ANXA8: variants seen among roughly 807,000 people sequenced by gnomAD.
The protein encoded by ANXA8 is annexin A8, also known as VAC-beta.
In ANXA8, 9 loss-of-function variants were observed where a neutral mutation model predicts 26.8. That is an observed-to-expected ratio of 0.34 (90% CI 0.20 to 0.59). ANXA8 has a LOEUF of 0.59. Among genes scored for constraint, ANXA8 ranks in the 20% least tolerant of loss-of-function variants. The pLI is 0.84. For synonymous variants in ANXA8, 39 were observed against 94.8 expected (o/e 0.41, Z 3.42); for missense variants, 83 against 238.5 (o/e 0.35, Z 4.29).
chr10:47,496,064 C>G, the ANXA8 span: 1 of 151,892 alleles, frequency 6.6e-6, no homozygotes, highest in Non-Finnish European at 1.5e-5. Flanking sequence ...GCAGTAGAAT[C>G]TTCCTGAAGC....
At chr10:47,544,164 TA>T in the ANXA8 span, among the ~76,000 whole-genome samples, 31 of 152,018 alleles carry the variant, frequency 2.0e-4, 2 homozygotes, top group African/African-American at 6.5e-4. Flanking sequence ...CCTGTAGCCT[TA>T]AATGCTTCCA....
the ANXA8 span, among the ~76,000 whole-genome samples, chr10:47,517,312 G>A: frequency 2.7e-5 from 2 of 75,266 alleles, no homozygotes; most frequent in South Asian, 4.4e-4. Flanking sequence ...TCGCTCTGTC[G>A]CCCAGGCTGG....
At chr10:47,670,471 A>G in the ANXA8 span, among the ~76,000 whole-genome samples, 1 of 152,142 alleles carries the variant, frequency 6.6e-6, no homozygotes, top group African/African-American at 2.4e-5. Context: ...ACCATTTTAT[A>G]TTCCTATTAG....
chr10:47,535,893 G>A, the ANXA8 span, among the ~76,000 whole-genome samples: 1 of 13,728 alleles, frequency 7.3e-5, no homozygotes, highest in Non-Finnish European at 1.4e-4. Flanking sequence ...TAACCCTCAA[G>A]GTGATGGCAT....
chr10:47,677,455 A>ATAGT, the ANXA8 span, among the ~76,000 whole-genome samples: 2 of 150,264 alleles, frequency 1.3e-5, no homozygotes. Context: ...GCAGCACAGG[A>ATAGT]TAGTGATCCC....
At chr10:47,582,039 G>A in the ANXA8 span, among the ~76,000 whole-genome samples, 1 of 150,004 alleles carries the variant, frequency 6.7e-6, no homozygotes, top group Non-Finnish European at 1.5e-5. Flanking sequence ...CACAACAAGG[G>A]TGTATGCCCA....
the ANXA8 span, among the ~76,000 whole-genome samples, chr10:47,985,062 C>T: frequency 6.7e-6 from 1 of 148,934 alleles, no homozygotes; most frequent in Non-Finnish European, 1.5e-5. Flanking sequence ...AAAATATTTG[C>T]AAACTGCGTA....
At chr10:47,953,067 T>G in the ANXA8 span, among the ~76,000 whole-genome samples, 1 of 150,430 alleles carries the variant, frequency 6.6e-6, no homozygotes, top group African/African-American at 2.5e-5. Context: ...CAAAGATTTC[T>G]CAGGGCACAT....
chr10:47,695,485 A>G, the ANXA8 span, among the ~76,000 whole-genome samples: 1 of 151,850 alleles, frequency 6.6e-6, no homozygotes, highest in Non-Finnish European at 1.5e-5. Context: ...GTTGGGCGCT[A>G]TGAAAGGAAA....
chr10:47,667,361 A>C, the ANXA8 span, among the ~76,000 whole-genome samples: 14 of 152,024 alleles, frequency 9.2e-5, no homozygotes, highest in African/African-American at 3.4e-4. Flanking sequence ...AAGTTTATCT[A>C]TTGTTAGCCA....
At chr10:47,709,765 G>GA in the ANXA8 span, among the ~76,000 whole-genome samples, 1 of 97,110 alleles carries the variant, frequency 1.0e-5, no homozygotes, top group African/African-American at 4.7e-5. Context: ...CACACTCAGG[G>GA]AGAGAACCAG....
At chr10:47,692,941 G>A in the ANXA8 span, among the ~76,000 whole-genome samples, 1 of 151,276 alleles carries the variant, frequency 6.6e-6, no homozygotes, top group Non-Finnish European at 1.5e-5. Flanking sequence ...CACCATGTTG[G>A]CCGGGCTGGT....
At chr10:47,581,637 C>T in the ANXA8 span, 57 of 415,540 alleles carry the variant, frequency 1.4e-4, 1 homozygote, top group Middle Eastern at 6.2e-4. Context: ...GACGGAGTCT[C>T]GCTCTGTCAC....
At chr10:47,704,002 G>GA in the ANXA8 span, among the ~76,000 whole-genome samples, 1 of 142,128 alleles carries the variant, frequency 7.0e-6, no homozygotes, top group East Asian at 2.7e-4. Context: ...TCAAGGTAAT[G>GA]AAAAAGAAAA....
At chr10:47,498,291 T>C in the ANXA8 span, among the ~76,000 whole-genome samples, 60 of 147,212 alleles carry the variant, frequency 4.1e-4, no homozygotes, top group African/African-American at 1.2e-3. Context: ...CTTAGCGTAA[T>C]GTCCTCAATG....
chr10:47,586,358 C>A, the ANXA8 span, among the ~76,000 whole-genome samples: 11 of 145,260 alleles, frequency 7.6e-5, no homozygotes, highest in Non-Finnish European at 1.2e-4. Flanking sequence ...TATCTGCTAA[C>A]CCCCATCCTC....
the ANXA8 span, among the ~76,000 whole-genome samples, chr10:47,500,164 C>T: frequency 0.037 from 5,103 of 137,144 alleles, 181 homozygotes; most frequent in African/African-American, 0.12. Context: ...CCTCAGCCTC[C>T]GAAGTAGCTA....
At chr10:47,696,475 A>G in the ANXA8 span, 6 of 1,401,120 alleles carry the variant, frequency 4.3e-6, 2 homozygotes, top group Admixed American at 8.5e-5. Context: ...CAGTTATTAA[A>G]TCTTGGGAGT....
At chr10:47,925,409 C>T in the ANXA8 span, among the ~76,000 whole-genome samples, 1 of 138,472 alleles carries the variant, frequency 7.2e-6, no homozygotes, top group Non-Finnish European at 1.6e-5. Flanking sequence ...GGCCTCAGGC[C>T]CCCCTGGATC....
Sources: gnomAD v4.1 joint callset for allele counts (sites outside exome capture counted in the v4.1 genomes callset) on GRCh38, gnomAD v4.1.1 for gene constraint, MANE v1.5 for transcripts, NCBI Gene and HGNC (gene_info 2026-07-23, HGNC 2026-07-21) for gene names.